UBR1: variants seen among roughly 807,000 people sequenced by gnomAD.
The protein encoded by UBR1 is ubiquitin protein ligase E3 component n-recognin 1.
A neutral mutation model predicts 242.1 loss-of-function variants in UBR1; 102 were observed. The observed-to-expected ratio is 0.42, with a 90% CI of 0.36 to 0.50. The LOEUF (loss-of-function observed/expected upper bound fraction) is 0.50. Ranked by LOEUF, UBR1 falls within the 20% of genes least tolerant of loss-of-function variation. The pLI, the probability that UBR1 is intolerant of heterozygous loss-of-function variation, is 0.01. For synonymous variants in UBR1, 675 were observed against 684.8 expected (o/e 0.99, Z 0.22); for missense variants, 1,772 against 2,101.8 (o/e 0.84, Z 3.07).
chr15:42,964,135 T>C (rs2032067249), intron 41 of UBR1, 92 bp from the exon 42 acceptor site: 1 of 905,106 alleles, frequency 1.1e-6, no homozygotes, highest in Non-Finnish European at 1.8e-6. Context: ...TGCTTATTTC[T>C]ACACTCTCCT....
rs369951984 is a variant in UBR1, at chr15:43,015,783, A to G, written c.3114T>C (p.Ser1038=). The change falls in exon 29 of 47, where the codon TCT becomes TCC. Residue 1038 remains serine, a synonymous_variant. Coordinates refer to ENST00000290650, the MANE Select transcript of UBR1 (RefSeq NM_174916.3). ...LHRQKIMAQM[S]ALQKNFIETH... Reference sequence around the variant, plus strand: ...TTTCAATGAAGTTTTTCTGTAAGGCAGACATCTGAGCCATGATCTTCTGGC... The same window carrying G: ...TTTCAATGAAGTTTTTCTGTAAGGCGGACATCTGAGCCATGATCTTCTGGC... 6.2e-7 allele frequency: 1 copy of G among 1,614,092 alleles called. No individual in the cohort carries two copies. The highest frequency in any genetic ancestry group is 8.5e-7 in the Non-Finnish European group (1 of 1,180,050).
intron 42 of UBR1, among the ~76,000 whole-genome samples, chr15:42,961,105 G>A (rs1407384304): frequency 7.0e-6 from 1 of 142,872 alleles, no homozygotes; most frequent in African/African-American, 2.6e-5. Context: ...CTATTTCTAT[G>A]TTCCCCCTTT....
At chr15:43,068,534 G>A (rs190317564) in intron 5 of UBR1, among the ~76,000 whole-genome samples, 3 of 152,144 alleles carry the variant, frequency 2.0e-5, no homozygotes, top group Admixed American at 1.3e-4. Context: ...TTAAAACTCT[G>A]ATAAAAATGT....
At chr15:43,018,548 C>T (rs2033061788) in intron 27 of UBR1, among the ~76,000 whole-genome samples, 1 of 152,132 alleles carries the variant, frequency 6.6e-6, no homozygotes, top group South Asian at 2.1e-4. Flanking sequence ...CCACCATACC[C>T]TTGACTAATT....
chr15:42,970,374 C>T (rs2032184091), intron 40 of UBR1, 146 bp downstream of exon 40: 1 of 832,002 alleles, frequency 1.2e-6, no homozygotes, highest in Non-Finnish European at 1.9e-6. Flanking sequence ...AATGTAAGAC[C>T]TAAACCATAA....
chr15:43,051,193 C>T (rs1271184627), intron 12 of UBR1, among the ~76,000 whole-genome samples: 1 of 152,200 alleles, frequency 6.6e-6, no homozygotes, highest in East Asian at 1.9e-4. Flanking sequence ...CAGTGATAGA[C>T]TGGATAAAGA....
intron 32 of UBR1, among the ~76,000 whole-genome samples, chr15:42,999,739 G>A (rs1046704342): frequency 6.6e-6 from 1 of 151,768 alleles, no homozygotes; most frequent in African/African-American, 2.4e-5. Flanking sequence ...GAGGTGGAAG[G>A]ATCATCTGAG....
Position 43,024,817 on chromosome 15 carries a change from A to G in UBR1, c.2739+12T>C, listed in dbSNP as rs753344169. The G allele has an allele frequency of 6.2e-7, 1 of 1,614,138 alleles. No homozygotes were observed. Among genetic ancestry groups the G allele is most frequent in the Non-Finnish European group, 8.5e-7 (1 of 1,179,972 alleles). ...GGACTTGATGTAGAGAAAATATTTC[A>G]GGTAAACAAACCATTTGGAGCATCC... On this transcript the variant is annotated intron_variant, in intron 25 of 46. Coordinates refer to ENST00000290650, the MANE Select transcript of UBR1 (RefSeq NM_174916.3).
rs917828478 is a variant in UBR1, at chr15:43,061,974, TA to T, written c.799-1861del. 1.6e-3 allele frequency among the ~76,000 whole-genome samples: 237 copies of T among 146,386 alleles called. 2 individuals carry two copies. Among genetic ancestry groups the T allele is most frequent in the African/African-American group, 4.9e-3 (194 of 39,996 alleles). ...ACCTAGGGAAAAAATGAGTTGGCTGTAAAAAAAAAAATAATAATAACAAGTA... is the reference window on the plus strand; with the variant it reads ...ACCTAGGGAAAAAATGAGTTGGCTGTAAAAAAAAAATAATAATAACAAGTA... On this transcript the variant is annotated intron_variant, in intron 6 of 46. Coordinates refer to ENST00000290650, the MANE Select transcript of UBR1 (RefSeq NM_174916.3).
intron 12 of UBR1, among the ~76,000 whole-genome samples, chr15:43,049,228 C>T (rs750706561): frequency 1.3e-5 from 2 of 152,096 alleles, no homozygotes; most frequent in Non-Finnish European, 2.9e-5. Flanking sequence ...GTGGGAAAAA[C>T]AGATACACAC....
At chr15:43,064,658 C>A (rs1174774899) in intron 6 of UBR1, among the ~76,000 whole-genome samples, 1 of 151,272 alleles carries the variant, frequency 6.6e-6, no homozygotes, top group Non-Finnish European at 1.5e-5. Context: ...TTCACTGCAA[C>A]CTCCACCTCC....
chr15:42,995,484 C>T (rs1444059744), intron 33 of UBR1, among the ~76,000 whole-genome samples: 2 of 150,656 alleles, frequency 1.3e-5, no homozygotes, highest in Non-Finnish European at 3.0e-5. Flanking sequence ...ACGGTGAAAC[C>T]CCGTCTCTAC....
chr15:43,060,023 C>T lies in UBR1; in HGVS notation c.861+29G>A, dbSNP rs187497723. 4 of 1,610,802 alleles carry T rather than the reference C, an allele frequency of 2.5e-6. No homozygotes were observed. In the Admixed American group the frequency reaches 5.0e-5, roughly 20 times the overall value. ...TGTAATGTACATTCATCTTTAACTT[C>T]TCTTTTTCCCCCTAATTCAGAAAGT... is the stretch of plus-strand genomic sequence containing the variant. On this transcript the variant is annotated intron_variant, in intron 7 of 46. Coordinates refer to ENST00000290650, the MANE Select transcript of UBR1 (RefSeq NM_174916.3).
chr15:43,060,710 T>C (rs1007323467), intron 6 of UBR1, among the ~76,000 whole-genome samples: 1 of 152,058 alleles, frequency 6.6e-6, no homozygotes, highest in African/African-American at 2.4e-5. Context: ...ATGAAGAAGG[T>C]ATACCACATT....
At chr15:42,978,359 A>G (rs746649123) in intron 37 of UBR1, among the ~76,000 whole-genome samples, 3 of 152,228 alleles carry the variant, frequency 2.0e-5, no homozygotes, top group Non-Finnish European at 4.4e-5. Flanking sequence ...TGGGAAGAAC[A>G]TGCAAAACAG....
intron 21 of UBR1, among the ~76,000 whole-genome samples, chr15:43,029,329 C>T (rs1228647105): frequency 5.3e-5 from 8 of 152,110 alleles, no homozygotes; most frequent in Non-Finnish European, 1.0e-4. Flanking sequence ...TGAGAATGTA[C>T]CTTGCAGACA....
At position 42,970,615 on chromosome 15, in the gene UBR1, A is replaced by T; in HGVS notation, c.4370-8T>A. The T allele has an allele frequency of 1.2e-6, 2 of 1,612,068 alleles. No individual in the cohort carries two copies. The highest frequency in any genetic ancestry group is 1.7e-6 in the Non-Finnish European group (2 of 1,178,698). On this transcript the variant is annotated splice_region_variant and splice_polypyrimidine_tract_variant and intron_variant, in intron 39 of 46. Transcript: ENST00000290650. ...CCTGAGCAAGGGGTAGGCCTGAAAA[A>T]GAAATTCTGCAAGATGAATTATGTA... is the stretch of plus-strand genomic sequence containing the variant.
chr15:43,089,413 T>G (rs1370226864), intron 1 of UBR1, among the ~76,000 whole-genome samples: 1 of 151,986 alleles, frequency 6.6e-6, no homozygotes, highest in Non-Finnish European at 1.5e-5. Context: ...GAGAATGTCG[T>G]GAACCCAGGA....
At chr15:43,090,514 A>T (rs917966417) in intron 1 of UBR1, among the ~76,000 whole-genome samples, 3 of 152,124 alleles carry the variant, frequency 2.0e-5, no homozygotes, top group Admixed American at 2.0e-4. Context: ...TCATACACAA[A>T]CAACTTTTCT....
Sources: allele counts gnomAD v4.1 joint callset (sites outside exome capture counted in the v4.1 genomes callset), GRCh38; gene constraint gnomAD v4.1.1; transcripts MANE v1.5; gene names NCBI Gene and HGNC (gene_info 2026-07-23, HGNC 2026-07-21).